Variants in STAT4 observed in about 807,000 individuals in gnomAD.
STAT4 encodes signal transducer and activator of transcription 4.
Under a neutral mutation model 110.5 loss-of-function variants are expected in STAT4, and 42 were observed. The observed-to-expected ratio is 0.38, with a 90% CI of 0.30 to 0.49. The LOEUF is 0.49. Ranked by LOEUF, STAT4 falls within the 20% of genes least tolerant of loss-of-function variation. The pLI, the probability that STAT4 is intolerant of heterozygous loss-of-function variation, is 0.95. For missense variants in STAT4, 632 were observed against 887.9 expected (o/e 0.71, Z 3.66); for synonymous variants, 284 against 302.2 (o/e 0.94, Z 0.63).
In STAT4 at chr2:191,143,086, T is replaced by C. The variant is rs914426101; in HGVS notation, c.273+3527A>G. 6.6e-6 allele frequency among the ~76,000 whole-genome samples: 1 copy of C among 152,124 alleles called. No homozygotes were observed. Among genetic ancestry groups the C allele is most frequent in the Non-Finnish European group, 1.5e-5 (1 of 68,022 alleles). On this transcript the variant is annotated intron_variant, in intron 3 of 23. Coordinates refer to ENST00000392320, the MANE Select transcript of STAT4 (RefSeq NM_003151.4). The surrounding 1 kb of genome is among the most constrained non-coding windows in gnomAD (Gnocchi z 5.6). ...CTGGGATGTGGAGCTGGGAAGGAAGTATATGAGAACTTCACTTTCTGCTCA... is the reference window on the plus strand; with the variant it reads ...CTGGGATGTGGAGCTGGGAAGGAAGCATATGAGAACTTCACTTTCTGCTCA...
intron 3 of STAT4, among the ~76,000 whole-genome samples, chr2:191,131,313 A>T (rs1699030719): frequency 6.6e-6 from 1 of 151,882 alleles, no homozygotes; most frequent in Non-Finnish European, 1.5e-5. Flanking sequence ...ACAGGAAATA[A>T]CGCAAATGCC....
intron 3 of STAT4, among the ~76,000 whole-genome samples, chr2:191,130,215 T>A (rs866200707): frequency 1.1e-5 from 1 of 89,380 alleles, no homozygotes; most frequent in Non-Finnish European, 2.5e-5. Flanking sequence ...TTTCAGTCTA[T>A]CTCCCTTTTT....
rs1250246642 is a variant in STAT4, at chr2:191,112,726, G to A, written c.273+33887C>T. On this transcript the variant is annotated intron_variant, in intron 3 of 23. Transcript: ENST00000392320. The surrounding 1 kb of genome is among the most constrained non-coding windows in gnomAD (Gnocchi z 4.3). Reference sequence around the variant, plus strand: ...TGCAGTGAGGAACACTGAAGCCTAGGGAGGGGAAGGTCGCCCAGTTACAAA... The same window carrying A: ...TGCAGTGAGGAACACTGAAGCCTAGAGAGGGGAAGGTCGCCCAGTTACAAA... Among the ~76,000 whole-genome samples, 1 of 152,158 alleles carries A rather than the reference G, an allele frequency of 6.6e-6. No individual in the cohort carries two copies. The highest frequency in any genetic ancestry group is 1.5e-5 in the Non-Finnish European group (1 of 68,030).
At chr2:191,065,100 G>T in intron 7 of STAT4, 142 bp from the exon 8 acceptor site, 1 of 843,728 alleles carries the variant, frequency 1.2e-6, no homozygotes, top group Non-Finnish European at 1.7e-6. Flanking sequence ...GCTTCTATTT[G>T]CCAGGCCTTT....
Position 191,091,310 on chromosome 2 carries a change from A to C in STAT4, c.274-14985T>G, listed in dbSNP as rs1253356903. The stretch of plus-strand genomic sequence containing the variant: ...CTAGAGCTAGAAATAAAAAATAAGA[A>C]ATAGAAAATAGATTCAAAATAAGAA... On this transcript the variant is annotated intron_variant, in intron 3 of 23. Transcript: ENST00000392320. This position sits in a 1 kb window ranked among gnomAD's most constrained non-coding sequence, Gnocchi z 5.4. 6.6e-6 allele frequency among the ~76,000 whole-genome samples: 1 copy of C among 152,202 alleles called. No individual in the cohort carries two copies. The highest frequency in any genetic ancestry group is 2.4e-5 in the African/African-American group (1 of 41,462).
intron 3 of STAT4, among the ~76,000 whole-genome samples, chr2:191,084,241 G>A (rs1697569028): frequency 6.6e-6 from 1 of 151,520 alleles, no homozygotes. Context: ...CAGCCTGGGT[G>A]ACGGAGCAAG....
At chr2:191,093,988 C>T (rs779839634) in intron 3 of STAT4, among the ~76,000 whole-genome samples, 7 of 151,790 alleles carry the variant, frequency 4.6e-5, no homozygotes, top group African/African-American at 7.3e-5. Context: ...AAAGGGTAAC[C>T]GTGATTGAAG....
In STAT4 at chr2:191,117,721, C is replaced by T. The variant is rs1698608242; in HGVS notation, c.273+28892G>A. ...CCATTCTAAGAATACAAAATACCCA[C>T]ATCCTAAATCCACCATTGCTTATTT... On this transcript the variant is annotated intron_variant, in intron 3 of 23. Coordinates refer to ENST00000392320, the MANE Select transcript of STAT4 (RefSeq NM_003151.4). The surrounding 1 kb of genome is among the most constrained non-coding windows in gnomAD (Gnocchi z 5.2). Among the ~76,000 whole-genome samples, 1 of 152,180 alleles carries T rather than the reference C, an allele frequency of 6.6e-6. No individual in the cohort carries two copies. Among genetic ancestry groups the T allele is most frequent in the Non-Finnish European group, 1.5e-5 (1 of 68,038 alleles).
At chr2:191,064,391 A>G (rs1010987150) in intron 8 of STAT4, among the ~76,000 whole-genome samples, 1 of 152,230 alleles carries the variant, frequency 6.6e-6, no homozygotes, top group Non-Finnish European at 1.5e-5. Flanking sequence ...TGTCTAACTG[A>G]AATTTTCTAT....
Position 191,144,564 on chromosome 2 carries a change from G to C in STAT4, c.273+2049C>G, listed in dbSNP as rs144887951. On this transcript the variant is annotated intron_variant, in intron 3 of 23. Coordinates refer to ENST00000392320, the MANE Select transcript of STAT4 (RefSeq NM_003151.4). The surrounding 1 kb of genome is among the most constrained non-coding windows in gnomAD (Gnocchi z 4.7). ...AGGGCCAATTAACACATGCAGATGA[G>C]TTTGTGCTCGAGCTGAAGCGTGACT... Among the ~76,000 whole-genome samples the C allele has an allele frequency of 5.0e-4, 75 of 151,512 alleles. No individual in the cohort carries two copies. The highest frequency in any genetic ancestry group is 1.8e-3 in the African/African-American group (73 of 41,334).
Position 191,116,899 on chromosome 2 carries a change from G to A in STAT4, c.273+29714C>T, listed in dbSNP as rs73982616. Among the ~76,000 whole-genome samples, 392 of 152,284 alleles carry A rather than the reference G, an allele frequency of 2.6e-3. 1 individual carries two copies. The highest frequency in any genetic ancestry group is 9.1e-3 in the African/African-American group (379 of 41,556). ...GTAAATAAATCTTTGGGAATCCATC[G>A]CTTCCACTAAGAAAGCAACTCAAAT... On this transcript the variant is annotated intron_variant, in intron 3 of 23. Transcript: ENST00000392320. The surrounding 1 kb of genome is among the most constrained non-coding windows in gnomAD (Gnocchi z 4.1).
In STAT4 at chr2:191,069,735, G is replaced by C. The variant is rs1185323912; in HGVS notation, c.502C>G (p.Gln168Glu). ...EQDTKYLEDL[Q>E]DEFDYRYKTI... ...TTATACCTGTAGTCAAATTCGTCTT[G>C]CAGATCTTCTAAGTATTTGGTATCT... Residue 168 changes from glutamine (Q) to glutamate (E), a missense_variant, in exon 6 of 24, where the codon CAA becomes GAA. Around this residue, in one of 4 missense-constraint regions of STAT4, gnomAD observed 488 missense variants for 632.8 expected, o/e 0.77. Transcript: ENST00000392320. 6.2e-7 allele frequency: 1 copy of C among 1,609,226 alleles called. No individual in the cohort carries two copies. Among genetic ancestry groups the C allele is most frequent in the South Asian group, 1.1e-5 (1 of 90,090 alleles).
chr2:191,151,177 A>G, upstream of STAT4: 1 of 985,570 alleles, frequency 1.0e-6, no homozygotes, highest in Non-Finnish European at 1.2e-6. The surrounding 1 kb of genome is among the most constrained non-coding windows in gnomAD (Gnocchi z 4.7). Flanking sequence ...GCCAGGCTGG[A>G]GCCCCTTCAC....
At position 191,039,405 on chromosome 2, in the gene STAT4, T is replaced by C. The variant is rs1696128150; in HGVS notation, c.1336-108A>G. 4 of 868,048 alleles carry C rather than the reference T, an allele frequency of 4.6e-6. No individual in the cohort carries two copies. Among genetic ancestry groups the C allele is most frequent in the Admixed American group, 1.9e-5 (1 of 52,382 alleles). The allele number at this position is 868,048 out of a possible 1,614,324, so 53.8% of individuals were successfully genotyped here. A position where few individuals can be genotyped will look rare whatever the true frequency, so the allele number is the denominator to read the frequency against. On this transcript the variant is annotated intron_variant, in intron 15 of 23. Transcript: ENST00000392320. The surrounding 1 kb of genome is among the most constrained non-coding windows in gnomAD (Gnocchi z 4.7). ...GCCAATCTCAAGCCAGCCCCACACC[T>C]CCAGTCCTGATGTCCATGGTGCCCT...
rs977943959 is a variant in STAT4, at chr2:191,110,203, T to C, written c.274-33878A>G. On this transcript the variant is annotated intron_variant, in intron 3 of 23. Coordinates refer to ENST00000392320, the MANE Select transcript of STAT4 (RefSeq NM_003151.4). This position sits in a 1 kb window ranked among gnomAD's most constrained non-coding sequence, Gnocchi z 4.5. ...CAGTCTGCACAAACATAGATTTGTG[T>C]TGATGTCAGTGCTAAGAAGAAAAGG... Among the ~76,000 whole-genome samples, 1 of 152,110 alleles carries C rather than the reference T, an allele frequency of 6.6e-6. No individual in the cohort carries two copies. The highest frequency in any genetic ancestry group is 6.5e-5 in the Admixed American group (1 of 15,276).
intron 8 of STAT4, among the ~76,000 whole-genome samples, chr2:191,063,587 C>T (rs373378713): frequency 7.2e-5 from 11 of 152,294 alleles, no homozygotes; most frequent in African/African-American, 2.6e-4. Context: ...CTTCCAACCA[C>T]AGGAGACAGA....
Position 191,053,194 on chromosome 2 carries a change from T to C in STAT4, c.1251+1296A>G, listed in dbSNP as rs1172847437. Among the ~76,000 whole-genome samples, 1 of 152,180 alleles carries C rather than the reference T, an allele frequency of 6.6e-6. No individual in the cohort carries two copies. The highest frequency in any genetic ancestry group is 6.5e-5 in the Admixed American group (1 of 15,274). ...ATTCAAAGATCTTTTTCATGGGAGC[T>C]GTGACTATAAAGCCAAGAGTTTGGA... is the stretch of plus-strand genomic sequence containing the variant. On this transcript the variant is annotated intron_variant, in intron 14 of 23. Transcript: ENST00000392320. The surrounding 1 kb of genome is among the most constrained non-coding windows in gnomAD (Gnocchi z 4.5).
chr2:191,081,800 T>A (rs1231642121), intron 3 of STAT4, among the ~76,000 whole-genome samples: 1 of 152,184 alleles, frequency 6.6e-6, no homozygotes, highest in East Asian at 1.9e-4. Flanking sequence ...AAATTCATAA[T>A]CCTGGACTCC....
At chr2:191,145,861 T>C (rs1241151395) in intron 3 of STAT4, among the ~76,000 whole-genome samples, 3 of 152,176 alleles carry the variant, frequency 2.0e-5, no homozygotes, top group African/African-American at 4.8e-5. Flanking sequence ...ACATTAGAAC[T>C]GTTGGGTTTA....
Sources: allele counts gnomAD v4.1 joint callset (sites outside exome capture counted in the v4.1 genomes callset), GRCh38; gene constraint gnomAD v4.1.1; regional missense constraint gnomAD v4.1.1; non-coding constraint Gnocchi (gnomAD v3.1); transcripts MANE v1.5; gene names NCBI Gene and HGNC (gene_info 2026-07-23, HGNC 2026-07-21).